AACS: variants seen among roughly 807,000 people sequenced by gnomAD.
The protein encoded by AACS is acetoacetyl-CoA synthetase.
In AACS, 69 loss-of-function variants were observed where a neutral mutation model predicts 83.1. That is an observed-to-expected ratio of 0.83 (90% CI 0.68 to 1.01). The LOEUF is 1.01. Among genes scored for constraint, AACS ranks in the 50% least tolerant of loss-of-function variants. The pLI, the probability that AACS is intolerant of heterozygous loss-of-function variation, is 0.00. For synonymous variants in AACS, 333 were observed against 343.4 expected, an observed-to-expected ratio of 0.97 and a Z score of 0.33; for missense variants, 866 against 882.2, an observed-to-expected ratio of 0.98 and a Z score of 0.23.
chr12:125,078,320 A>G, intron 3 of AACS: 1 of 456,044 alleles, frequency 2.2e-6, no homozygotes, highest in Admixed American at 2.4e-5. Context: ...TCTGATGCAC[A>G]TTCCTGGTGA....
At chr12:125,079,619 G>A (rs917831548) in intron 3 of AACS, among the ~76,000 whole-genome samples, 3 of 151,932 alleles carry the variant, frequency 2.0e-5, no homozygotes, top group African/African-American at 7.3e-5. Flanking sequence ...GAACTCCTGG[G>A]CTCAAGCAAT....
Position 125,125,006 on chromosome 12 carries a change from C to A in AACS, c.1291C>A (p.Leu431Ile), listed in dbSNP as rs1488649637. ...CTACAGGTGCATCAAGAGCAGCATC[C>A]TCCTGGGCTCCATCTCAGGTATGGC... is the stretch of plus-strand genomic sequence containing the variant. ...YVYRCIKSSI[L>I]LGSISGGTDI... The change falls in exon 12 of 18, where the codon CTC (leucine) becomes ATC (isoleucine). Residue 431 changes from leucine to isoleucine, a missense_variant. Coordinates refer to ENST00000316519, the MANE Select transcript of AACS (RefSeq NM_023928.5). 1 of 1,614,206 alleles carries A rather than the reference C, an allele frequency of 6.2e-7. No individual in the cohort carries two copies. The highest frequency in any genetic ancestry group is 1.1e-5 in the South Asian group (1 of 91,076).
intron 4 of AACS, chr12:125,091,075 A>G: frequency 6.3e-6 from 2 of 319,460 alleles, no homozygotes; most frequent in East Asian, 7.1e-5. Context: ...TGCGTGGAGG[A>G]GTGTTCAGCA....
At chr12:125,136,401 T>A (rs766551778) in intron 16 of AACS, among the ~76,000 whole-genome samples, 48 of 152,104 alleles carry the variant, frequency 3.2e-4, no homozygotes, top group Non-Finnish European at 4.0e-4. Context: ...ACACCTGGCT[T>A]CCTGGTAGAA....
chr12:125,110,534 C>T (rs534167757), intron 8 of AACS, among the ~76,000 whole-genome samples: 19 of 152,306 alleles, frequency 1.2e-4, no homozygotes, highest in African/African-American at 4.1e-4. Flanking sequence ...CCCACCCTCA[C>T]GCTGCTCTAG....
chr12:125,125,569 G>A (rs530827892), intron 12 of AACS, among the ~76,000 whole-genome samples: 3 of 152,346 alleles, frequency 2.0e-5, no homozygotes, highest in African/African-American at 7.2e-5. Flanking sequence ...AAGCTCCAGA[G>A]TATGGATCTG....
At chr12:125,080,468 G>GTC (rs1267731973) in intron 3 of AACS, among the ~76,000 whole-genome samples, 1 of 144,468 alleles carries the variant, frequency 6.9e-6, no homozygotes, top group Non-Finnish European at 1.5e-5. Flanking sequence ...ACTGGGTGGG[G>GTC]TGTCTCTCTC....
intron 1 of AACS, among the ~76,000 whole-genome samples, chr12:125,070,146 A>G (rs1008485427): frequency 5.9e-5 from 9 of 152,126 alleles, no homozygotes; most frequent in Admixed American, 5.2e-4. Context: ...GAGGGTGCTG[A>G]GTGAAGGTGC....
chr12:125,101,070 C>T (rs774242481), intron 5 of AACS: 1 of 152,220 alleles, frequency 6.6e-6, no homozygotes, highest in African/African-American at 2.4e-5. Flanking sequence ...GCATCAGGCT[C>T]ATGTGCGAGG....
chr12:125,108,678 T>A lies in AACS; in HGVS notation c.915+1410T>A, dbSNP rs570128097. Among the ~76,000 whole-genome samples the A allele has an allele frequency of 9.9e-5, 15 of 151,918 alleles. No individual in the cohort carries two copies. The South Asian group carries it at 2.1e-3, about 21-fold the overall frequency. On this transcript the variant is annotated intron_variant, in intron 8 of 17. Coordinates refer to ENST00000316519, the MANE Select transcript of AACS (RefSeq NM_023928.5). ...AACCTGTTATTTTATTTTATTTTAT[T>A]TTTTTTTGAGATGGAGTCTTGATCT...
rs752462339 is a variant in AACS at position 125,134,828 on chromosome 12, G to A, written c.1654G>A (p.Gly552Ser). The change falls in exon 16 of 18, where the codon GGC becomes AGC. Residue 552 changes from glycine (G) to serine (S), a missense_variant. Transcript: ENST00000316519. ...GTLNPNGVRF[G>S]SSEIYNIVES... ...CCTCAACCCCAACGGGGTGCGGTTCGGCAGCTCGGAAATCTATAACATTGG... is the reference window on the plus strand; with the variant it reads ...CCTCAACCCCAACGGGGTGCGGTTCAGCAGCTCGGAAATCTATAACATTGG... The A allele has an allele frequency of 5.6e-6, 9 of 1,614,136 alleles. No individual in the cohort carries two copies. Among genetic ancestry groups the A allele is most frequent in the South Asian group, 5.5e-5 (5 of 91,074 alleles).
Position 125,100,848 on chromosome 12 carries a change from G to A in AACS, c.571-1831G>A, listed in dbSNP as rs899252933. 3.3e-5 allele frequency: 5 copies of A among 152,234 alleles called. 1 individual carries two copies. The highest frequency in any genetic ancestry group is 1.2e-4 in the African/African-American group (5 of 41,438). The allele number at this position is 152,234 out of a possible 1,614,324, so 9.4% of individuals were successfully genotyped here. A position where few individuals can be genotyped will look rare whatever the true frequency, so the allele number is the denominator to read the frequency against. ...GTCAGCGTTTCTGCTTCCCTGCTAA[G>A]AGTCACCAGGGAGCTCTGAAAACAA... On this transcript the variant is annotated intron_variant, in intron 5 of 17. Coordinates refer to ENST00000316519, the MANE Select transcript of AACS (RefSeq NM_023928.5).
Position 125,142,363 on chromosome 12 carries a change from A to C in AACS, c.*134A>C, listed in dbSNP as rs1957514270. On this transcript the variant is annotated 3_prime_UTR_variant, in exon 18 of 18. Coordinates refer to ENST00000316519, the MANE Select transcript of AACS (RefSeq NM_023928.5). ...AAGTGTTCTGTAGGCTTGGGGAGGG[A>C]TCGTTTCTCTGTTTTGTTAAATCTG... 7.8e-7 allele frequency: 1 copy of C among 1,283,924 alleles called. No homozygotes were observed. Among genetic ancestry groups the C allele is most frequent in the Non-Finnish European group, 1.1e-6 (1 of 948,168 alleles). 79.5% of individuals were successfully genotyped at this position (1,283,924 alleles called of 1,614,324 possible). A position where few individuals can be genotyped will look rare whatever the true frequency, so the allele number is the denominator to read the frequency against.
chr12:125,070,047 G>C (rs576619994), intron 1 of AACS, among the ~76,000 whole-genome samples: 1 of 152,098 alleles, frequency 6.6e-6, no homozygotes, highest in Non-Finnish European at 1.5e-5. Flanking sequence ...CTGAACCCCC[G>C]GCCCATCCCA....
intron 8 of AACS, 42 bp downstream of exon 8, chr12:125,107,310 G>A: frequency 1.2e-6 from 2 of 1,601,736 alleles, no homozygotes; most frequent in Middle Eastern, 1.7e-4. Flanking sequence ...CCTGTTGTCT[G>A]TTTGCTTCAA....
Position 125,078,814 on chromosome 12 carries a change from C to A in AACS, c.358+2203C>A, listed in dbSNP as rs554068519. On this transcript the variant is annotated intron_variant, in intron 3 of 17. Coordinates refer to ENST00000316519, the MANE Select transcript of AACS (RefSeq NM_023928.5). Reference sequence around the variant, plus strand: ...CCAGCCTGGGCGACAGAGCAAGACTCCGTCTCAAAAAAAAAAAAAAAAAAA... The same window carrying A: ...CCAGCCTGGGCGACAGAGCAAGACTACGTCTCAAAAAAAAAAAAAAAAAAA... Among the ~76,000 whole-genome samples the A allele has an allele frequency of 3.4e-5, 4 of 117,086 alleles. No homozygotes were observed. In the South Asian group the frequency reaches 1.3e-3, roughly 39 times the overall value. 76.8% of individuals were successfully genotyped at this position (117,086 alleles called of 152,430 possible).
Position 125,125,180 on chromosome 12 carries a change from C to T in AACS, c.1309+156C>T, listed in dbSNP as rs71458895. ...CATGATCTGAGGCAGTGATGTTCCA[C>T]GAAGTCACTGTGAACACGGAACCCA... On this transcript the variant is annotated intron_variant, in intron 12 of 17. Transcript: ENST00000316519. 1,422 of 1,210,046 alleles carry T rather than the reference C, an allele frequency of 1.2e-3. 1 individual carries two copies. The highest frequency in any genetic ancestry group is 1.6e-3 in the Middle Eastern group (7 of 4,296). 75.0% of individuals were successfully genotyped at this position (1,210,046 alleles called of 1,614,324 possible). A position where few individuals can be genotyped will look rare whatever the true frequency, so the allele number is the denominator to read the frequency against.
In AACS at chr12:125,130,486, G is replaced by A. The variant is rs187680746; in HGVS notation, c.1549+1026G>A. The stretch of plus-strand genomic sequence containing the variant: ...TAGGGCCTCCTGCCTTGGGAGGAGA[G>A]GCCAAAAGGATTAGAATCTCAGCTT... On this transcript the variant is annotated intron_variant, in intron 14 of 17. Coordinates refer to ENST00000316519, the MANE Select transcript of AACS (RefSeq NM_023928.5). The surrounding 1 kb of genome is among the most constrained non-coding windows in gnomAD (Gnocchi z 4.9). Among the ~76,000 whole-genome samples the A allele has an allele frequency of 2.6e-5, 4 of 152,336 alleles. No individual in the cohort carries two copies. The highest frequency in any genetic ancestry group is 2.0e-4 in the Admixed American group (3 of 15,308).
In AACS at chr12:125,076,474, G is replaced by C; in HGVS notation, c.238-17G>C. ...GTCTCATGTGTGTGCGTCTTGGTTT[G>C]TTGTCATTCTCTATAGGTTGTGGAC... On this transcript the variant is annotated splice_polypyrimidine_tract_variant and intron_variant, in intron 2 of 17. Transcript: ENST00000316519. 6.2e-7 allele frequency: 1 copy of C among 1,613,032 alleles called. No homozygotes were observed. Among genetic ancestry groups the C allele is most frequent in the Non-Finnish European group, 8.5e-7 (1 of 1,179,186 alleles).
Sources: allele counts gnomAD v4.1 joint callset (sites outside exome capture counted in the v4.1 genomes callset), GRCh38; gene constraint gnomAD v4.1.1; non-coding constraint Gnocchi (gnomAD v3.1); transcripts MANE v1.5; gene names NCBI Gene and HGNC (gene_info 2026-07-23, HGNC 2026-07-21).